TMEM132D: variants seen among roughly 807,000 people sequenced by gnomAD.
The protein encoded by TMEM132D is transmembrane protein 132D, also known as mature OL transmembrane protein.
Under a neutral mutation model 62.3 loss-of-function variants are expected in TMEM132D, and 21 were observed. That is an observed-to-expected ratio of 0.34 (90% CI 0.24 to 0.49). The LOEUF (loss-of-function observed/expected upper bound fraction) is 0.49. Among genes scored for constraint, TMEM132D ranks in the 20% least tolerant of loss-of-function variants. The probability of loss-of-function intolerance (pLI) is 0.99; values close to 1 mark genes in which losing one functional copy is unlikely to be tolerated. For missense variants in TMEM132D, 1,346 were observed against 1,402.8 expected (o/e 0.96, Z 0.65); for synonymous variants, 621 against 575.6 (o/e 1.08, Z -1.13).
At chr12:129,752,042 T>C (rs1870014234) in intron 1 of TMEM132D, among the ~76,000 whole-genome samples, 2 of 152,194 alleles carry the variant, frequency 1.3e-5, no homozygotes. Context: ...TTTAAAATGA[T>C]AATGAGAGAA....
intron 2 of TMEM132D, among the ~76,000 whole-genome samples, chr12:129,659,035 T>C (rs1030146462): frequency 6.6e-6 from 1 of 152,032 alleles, no homozygotes; most frequent in Non-Finnish European, 1.5e-5. Flanking sequence ...TGAATAGCTG[T>C]GAATACAGGT....
chr12:129,161,460 T>C (rs932555474), intron 5 of TMEM132D, among the ~76,000 whole-genome samples: 1 of 152,202 alleles, frequency 6.6e-6, no homozygotes, highest in Admixed American at 6.5e-5. Context: ...TTCAGAGGGC[T>C]GGGTGAAAAC....
At chr12:129,898,481 T>C (rs1191883198) in intron 1 of TMEM132D, among the ~76,000 whole-genome samples, 2 of 152,200 alleles carry the variant, frequency 1.3e-5, no homozygotes, top group Non-Finnish European at 2.9e-5. Flanking sequence ...TATGGGAATG[T>C]TGGTTACTTT....
chr12:129,512,861 G>A (rs1875535938), intron 3 of TMEM132D, among the ~76,000 whole-genome samples: 1 of 152,214 alleles, frequency 6.6e-6, no homozygotes, highest in African/African-American at 2.4e-5. Flanking sequence ...TTAGGATCCA[G>A]CTTCAGAAGT....
At chr12:129,593,834 G>GT (rs1878261778) in intron 2 of TMEM132D, among the ~76,000 whole-genome samples, 1 of 108,238 alleles carries the variant, frequency 9.2e-6, no homozygotes, top group African/African-American at 3.8e-5. Context: ...CTCTTGACAT[G>GT]TATTTTTTTT....
intron 3 of TMEM132D, among the ~76,000 whole-genome samples, chr12:129,360,956 A>C (rs1191987115): frequency 6.6e-6 from 1 of 152,122 alleles, no homozygotes; most frequent in Non-Finnish European, 1.5e-5. Flanking sequence ...CAAGCAGTCA[A>C]TCTGTGAATG....
intron 3 of TMEM132D, among the ~76,000 whole-genome samples, chr12:129,378,722 G>A (rs1870853610): frequency 1.3e-5 from 2 of 152,138 alleles, no homozygotes; most frequent in Non-Finnish European, 1.5e-5. Flanking sequence ...ATAGAAGCTC[G>A]GTGAACTGTG....
intron 1 of TMEM132D, among the ~76,000 whole-genome samples, chr12:129,878,580 C>CTT (rs33919692): frequency 0.066 from 9,554 of 144,318 alleles, 378 homozygotes; most frequent in Non-Finnish European, 0.084. Context: ...CTGCAGATTG[C>CTT]TTTTTTTTTT....
chr12:129,531,260 T>C, intron 2 of TMEM132D, 55 bp from the exon 3 acceptor site: 5 of 1,534,142 alleles, frequency 3.3e-6, no homozygotes, highest in South Asian at 1.3e-5. Flanking sequence ...CCCCGGGTCA[T>C]GCTGGTTCTG....
chr12:129,132,266 C>A (rs907192419), intron 5 of TMEM132D, among the ~76,000 whole-genome samples: 8 of 152,132 alleles, frequency 5.3e-5, no homozygotes, highest in Admixed American at 5.2e-4. Context: ...TCACAAATTC[C>A]TAAATACATA....
intron 4 of TMEM132D, among the ~76,000 whole-genome samples, chr12:129,337,020 C>T (rs575875535): frequency 9.0e-4 from 137 of 152,248 alleles, no homozygotes; most frequent in African/African-American, 3.2e-3. Context: ...CAGTAAGAGC[C>T]CTTGTCAACT....
At chr12:129,622,532 T>C (rs1006513100) in intron 2 of TMEM132D, among the ~76,000 whole-genome samples, 1 of 152,140 alleles carries the variant, frequency 6.6e-6, no homozygotes, top group African/African-American at 2.4e-5. Context: ...TCTCTACATA[T>C]AGAAAAGTCC....
At chr12:129,174,344 C>T (rs915855876) in intron 5 of TMEM132D, among the ~76,000 whole-genome samples, 1 of 152,092 alleles carries the variant, frequency 6.6e-6, no homozygotes, top group Non-Finnish European at 1.5e-5. Context: ...TTTTCTGTTC[C>T]TGTGTTACTT....
At chr12:129,269,864 C>T (rs11614857) in intron 4 of TMEM132D, among the ~76,000 whole-genome samples, 13,518 of 152,102 alleles carry the variant, frequency 0.089, 762 homozygotes, top group Admixed American at 0.17. Context: ...TTAGTAAAAA[C>T]GTGGGAACAG....
intron 2 of TMEM132D, among the ~76,000 whole-genome samples, chr12:129,641,557 C>A (rs1229460324): frequency 2.6e-5 from 4 of 152,200 alleles, no homozygotes; most frequent in African/African-American, 9.6e-5. Context: ...GGTCATCTCA[C>A]AAATTTCATG....
intron 1 of TMEM132D, among the ~76,000 whole-genome samples, chr12:129,794,380 G>C (rs1871500510): frequency 6.6e-6 from 1 of 151,288 alleles, no homozygotes; most frequent in Admixed American, 6.6e-5. Flanking sequence ...GGAATGACAG[G>C]AGTGAGCCAC....
chr12:129,543,302 GTGGA>G (rs1382603101), intron 2 of TMEM132D, among the ~76,000 whole-genome samples: 12 of 78,922 alleles, frequency 1.5e-4, no homozygotes, highest in Admixed American at 7.5e-4. Context: ...GGGTGGGTGG[GTGGA>G]TGGATAGATG....
intron 5 of TMEM132D, among the ~76,000 whole-genome samples, chr12:129,191,764 A>AACAC (rs201162239): frequency 2.0e-5 from 3 of 148,230 alleles, no homozygotes; most frequent in Non-Finnish European, 3.0e-5. Flanking sequence ...ACACACACAG[A>AACAC]ACACACACAC....
intron 2 of TMEM132D, among the ~76,000 whole-genome samples, chr12:129,538,204 AC>A (rs1446394942): frequency 2.6e-5 from 4 of 152,220 alleles, no homozygotes; most frequent in Non-Finnish European, 4.4e-5. Context: ...GCAAACAAAA[AC>A]AAAAACAAAA....
Sources: allele counts gnomAD v4.1 joint callset (sites outside exome capture counted in the v4.1 genomes callset), GRCh38; gene constraint gnomAD v4.1.1; transcripts MANE v1.5; gene names NCBI Gene and HGNC (gene_info 2026-07-23, HGNC 2026-07-21).